The following PHKB variants were observed in gnomAD, a reference collection of about 807,000 sequenced individuals.
The protein encoded by PHKB is phosphorylase kinase regulatory subunit beta, also known as phosphorylase b kinase regulatory subunit beta.
In PHKB, 122 loss-of-function variants were observed where a neutral mutation model predicts 152.1. That is an observed-to-expected ratio of 0.80 (90% confidence interval 0.69 to 0.93). The LOEUF (loss-of-function observed/expected upper bound fraction) is 0.93, where lower values mean the gene tolerates loss of function less well. Among genes scored for constraint, PHKB ranks in the 40% least tolerant of loss-of-function variants. The probability of loss-of-function intolerance (pLI) is 0.00; values close to 1 mark genes in which losing one functional copy is unlikely to be tolerated. For synonymous variants in PHKB, 436 were observed against 464.9 expected, an observed-to-expected ratio of 0.94 and a Z score of 0.80; for missense variants, 1,304 against 1,328.4, an observed-to-expected ratio of 0.98 and a Z score of 0.29.
intron 1 of PHKB, among the ~76,000 whole-genome samples, chr16:47,473,760 T>C (rs1969821847): frequency 6.6e-6 from 1 of 152,206 alleles, no homozygotes; most frequent in African/African-American, 2.4e-5. Flanking sequence ...ATAGTAATTG[T>C]ATATATTTAC....
At chr16:47,566,564 G>A (rs539572875) in intron 7 of PHKB, 115 of 1,563,674 alleles carry the variant, frequency 7.4e-5, no homozygotes, top group Non-Finnish European at 9.4e-5. Flanking sequence ...ATTCTTTAAT[G>A]TACTCTTCTG....
intron 20 of PHKB, among the ~76,000 whole-genome samples, chr16:47,651,582 T>C (rs1404878390): frequency 2.0e-5 from 3 of 152,214 alleles, no homozygotes; most frequent in Admixed American, 6.5e-5. Flanking sequence ...ACTTCTATTC[T>C]TCACCATGCT....
intron 7 of PHKB, among the ~76,000 whole-genome samples, chr16:47,549,963 G>C (rs1468477999): frequency 6.6e-6 from 1 of 152,080 alleles, no homozygotes; most frequent in Non-Finnish European, 1.5e-5. Context: ...TTGTTCAAAT[G>C]GATGAGAGAT....
At chr16:47,650,975 A>G (rs1449827896) in intron 20 of PHKB, 54 bp downstream of exon 20, 1 of 1,197,832 alleles carries the variant, frequency 8.3e-7, no homozygotes, top group African/African-American at 1.5e-5. Flanking sequence ...AATCTACAAT[A>G]CAGCTATGTT....
Position 47,594,165 on chromosome 16 carries a change from A to G in PHKB, c.1155A>G (p.Val385=). 1 of 1,575,554 alleles carries G rather than the reference A, an allele frequency of 6.3e-7. No homozygotes were observed. Among genetic ancestry groups the G allele is most frequent in the Non-Finnish European group, 8.7e-7 (1 of 1,145,142 alleles). ...TTTTTAGAGGCAATCCTAAGCAAGT[A>G]CAGGAATATCAGGATCTTTTGACTC... ...DGVFRGNPKQ[V]QEYQDLLTPV... is the part of the protein sequence containing the mutation. Residue 385 remains valine (V), a synonymous_variant, in exon 12 of 31, where the codon GTA becomes GTG. Transcript: ENST00000323584.
At chr16:47,500,354 A>G (rs933363334) in intron 3 of PHKB, among the ~76,000 whole-genome samples, 3 of 152,140 alleles carry the variant, frequency 2.0e-5, no homozygotes. Flanking sequence ...CATTTTTCTA[A>G]GAGCTTATAT....
At chr16:47,551,553 A>G (rs536934056) in intron 7 of PHKB, among the ~76,000 whole-genome samples, 27 of 152,214 alleles carry the variant, frequency 1.8e-4, no homozygotes, top group Non-Finnish European at 3.7e-4. Context: ...CTGAGTTCTA[A>G]TTTGATTGCA....
At chr16:47,475,135 T>C (rs899290815) in intron 1 of PHKB, among the ~76,000 whole-genome samples, 2 of 152,246 alleles carry the variant, frequency 1.3e-5, no homozygotes, top group African/African-American at 4.8e-5. Context: ...TCTCATCTTT[T>C]TTTCACTGCC....
intron 1 of PHKB, among the ~76,000 whole-genome samples, chr16:47,488,135 A>T (rs1403842634): frequency 6.6e-6 from 1 of 151,948 alleles, no homozygotes. Flanking sequence ...AGCCCCTCTC[A>T]CTGGTGTGAG....
At chr16:47,679,922 T>C (rs1973815722) in intron 26 of PHKB, among the ~76,000 whole-genome samples, 1 of 152,244 alleles carries the variant, frequency 6.6e-6, no homozygotes, top group African/African-American at 2.4e-5. Flanking sequence ...AGATAGCTCT[T>C]ATTATTTTGA....
At chr16:47,685,233 T>C (rs1973942042) in intron 26 of PHKB, among the ~76,000 whole-genome samples, 1 of 152,212 alleles carries the variant, frequency 6.6e-6, no homozygotes, top group Non-Finnish European at 1.5e-5. Flanking sequence ...AAGACCAGCC[T>C]GTCCAACATG....
chr16:47,650,445 G>A, intron 18 of PHKB, 99 bp from the exon 19 acceptor site: 1 of 759,422 alleles, frequency 1.3e-6, no homozygotes, highest in Non-Finnish European at 2.4e-6. Flanking sequence ...GAACTGTCTT[G>A]CTACATAAGA....
At chr16:47,557,046 T>C (rs1364063600) in intron 7 of PHKB, among the ~76,000 whole-genome samples, 1 of 152,162 alleles carries the variant, frequency 6.6e-6, no homozygotes, top group Non-Finnish European at 1.5e-5. Flanking sequence ...TATAGATCAA[T>C]GGAACAGAAC....
At chr16:47,476,688 A>G (rs879856570) in intron 1 of PHKB, among the ~76,000 whole-genome samples, 1 of 152,132 alleles carries the variant, frequency 6.6e-6, no homozygotes, top group Admixed American at 6.5e-5. Context: ...TATTTCTTGA[A>G]TATTTCCTCC....
chr16:47,665,796 G>C, intron 25 of PHKB: 2 of 717,330 alleles, frequency 2.8e-6, no homozygotes, highest in African/African-American at 3.5e-5. Flanking sequence ...TCAGCTGTTA[G>C]GTTCAATGTC....
intron 13 of PHKB, among the ~76,000 whole-genome samples, chr16:47,599,637 A>C (rs1972185707): frequency 6.6e-6 from 1 of 152,214 alleles, no homozygotes; most frequent in African/African-American, 2.4e-5. Flanking sequence ...ACCAAAAAGA[A>C]GAAGAAATAC....
chr16:47,542,634 A>G (rs892871094), intron 6 of PHKB, among the ~76,000 whole-genome samples: 2 of 152,206 alleles, frequency 1.3e-5, no homozygotes, highest in African/African-American at 4.8e-5. Context: ...ATCCATGAGC[A>G]TGGAATGTTC....
chr16:47,565,181 G>A, intron 7 of PHKB: 1 of 589,102 alleles, frequency 1.7e-6, no homozygotes, highest in African/African-American at 1.8e-5. Context: ...ATTTTCCTTG[G>A]GTTTATATGG....
intron 6 of PHKB, among the ~76,000 whole-genome samples, chr16:47,537,455 G>A (rs571219687): frequency 1.3e-5 from 2 of 152,308 alleles, no homozygotes; most frequent in Non-Finnish European, 2.9e-5. Context: ...GGCCCCTTCT[G>A]ATTGGCTGCT....
Sources: gnomAD v4.1 joint callset for allele counts (sites outside exome capture counted in the v4.1 genomes callset) on GRCh38, gnomAD v4.1.1 for gene constraint, MANE v1.5 for transcripts, NCBI Gene and HGNC (gene_info 2026-07-23, HGNC 2026-07-21) for gene names.